NFE2L2: variants seen among roughly 807,000 people sequenced by gnomAD.
NFE2L2 encodes the protein nuclear factor erythroid 2-related factor 2.
Under a neutral mutation model 49.6 loss-of-function variants are expected in NFE2L2, and 20 were observed. That is an observed-to-expected ratio of 0.40 (90% CI 0.28 to 0.59). NFE2L2 has a LOEUF of 0.59. Ranked by LOEUF, NFE2L2 falls within the 20% of genes least tolerant of loss-of-function variation. The probability of loss-of-function intolerance (pLI) is 0.40; values close to 1 mark genes in which losing one functional copy is unlikely to be tolerated. For missense variants in NFE2L2, 578 were observed against 714.2 expected (o/e 0.81, Z 2.17); for synonymous variants, 244 against 256.5 (o/e 0.95, Z 0.47).
At chr2:177,238,285 C>T (rs1689823716) in intron 1 of NFE2L2, among the ~76,000 whole-genome samples, 1 of 152,210 alleles carries the variant, frequency 6.6e-6, no homozygotes, top group Admixed American at 6.5e-5. Context: ...ATCTTCTGCT[C>T]ATAAATCTGA....
Position 177,234,183 on chromosome 2 carries a change from T to G in NFE2L2, c.134A>C (p.Glu45Ala). 1.2e-6 allele frequency: 2 copies of G among 1,614,198 alleles called. No homozygotes were observed. Among genetic ancestry groups the G allele is most frequent in the Non-Finnish European group, 1.7e-6 (2 of 1,180,042 alleles). The change falls in exon 2 of 5, where the codon GAG becomes GCG. Residue 45 changes from glutamate (E) to alanine (A), a missense_variant. By Grantham distance (107) the Glu-to-Ala change is moderately radical. Around this residue, in one of 3 missense-constraint regions of NFE2L2, gnomAD observed 93 missense variants for 153.9 expected, o/e 0.60. Transcript: ENST00000397062. ...EVFDFSQRRK[E>A]YELEKQKKLE... is the part of the protein sequence containing the mutation. ...TTTTTTCTGTTTTTCCAGCTCATACTCTTTCCGTCGCTGACTGAAGTCAAA... is the reference window on the plus strand; with the variant it reads ...TTTTTTCTGTTTTTCCAGCTCATACGCTTTCCGTCGCTGACTGAAGTCAAA...
At chr2:177,259,384 T>G (rs947241697) in intron 1 of NFE2L2, among the ~76,000 whole-genome samples, 1 of 151,998 alleles carries the variant, frequency 6.6e-6, no homozygotes, top group Non-Finnish European at 1.5e-5. Context: ...TTGGACCAAA[T>G]AAACTTACAT....
At position 177,230,887 on chromosome 2, in the gene NFE2L2, A is replaced by G. The variant is rs753313785; in HGVS notation, c.1716T>C (p.Asp572=). The change falls in exon 5 of 5, where the codon GAT becomes GAC. Residue 572 remains aspartate, a synonymous_variant. Coordinates refer to ENST00000397062, the MANE Select transcript of NFE2L2 (RefSeq NM_006164.5). ...LEVFSMLRDE[D]GKPYSPSEYS... ...ATTCACTAGGAGAATAAGGTTTTCC[A>G]TCTTCATCACGTAGCATGCTGAAAA... The G allele has an allele frequency of 1.4e-5, 22 of 1,613,900 alleles. No homozygotes were observed. Among genetic ancestry groups the G allele is most frequent in the South Asian group, 2.2e-5 (2 of 91,010 alleles).
At chr2:177,243,238 T>G (rs1157372499) in intron 1 of NFE2L2, among the ~76,000 whole-genome samples, 26 of 152,138 alleles carry the variant, frequency 1.7e-4, no homozygotes, top group Admixed American at 1.6e-3. Context: ...CTAACCTACT[T>G]TACCAAACCT....
chr2:177,239,933 A>G (rs1026275757), intron 1 of NFE2L2, among the ~76,000 whole-genome samples: 3 of 137,288 alleles, frequency 2.2e-5, no homozygotes, highest in African/African-American at 8.4e-5. Context: ...TGTATGAAAC[A>G]TTCAAAGCTT....
Position 177,264,665 on chromosome 2 carries a change from C to CGGT in NFE2L2, c.-90_-89insACC, listed in dbSNP as rs1289786049. The stretch of plus-strand genomic sequence containing the variant: ...GGCGCGGACAGGGCGGCTCTGGTGG[C>CGGT]GGCGGCGGCGGCGGTGGCGGCTGCG... On this transcript the variant is annotated 5_prime_UTR_variant, in exon 1 of 5. Coordinates refer to ENST00000397062, the MANE Select transcript of NFE2L2 (RefSeq NM_006164.5). 6 of 506,776 alleles carry CGGT rather than the reference C, an allele frequency of 1.2e-5. No individual in the cohort carries two copies. Among genetic ancestry groups the CGGT allele is most frequent in the Non-Finnish European group, 1.5e-5 (6 of 407,822 alleles). 31.4% of individuals were successfully genotyped at this position (506,776 alleles called of 1,614,324 possible). A position where few individuals can be genotyped will look rare whatever the true frequency, so the allele number is the denominator to read the frequency against.
chr2:177,248,182 C>T (rs1486639965), intron 1 of NFE2L2, among the ~76,000 whole-genome samples: 2 of 152,206 alleles, frequency 1.3e-5, no homozygotes, highest in Non-Finnish European at 2.9e-5. Flanking sequence ...TCTGACCTAA[C>T]TGAGCAGAAT....
At chr2:177,246,843 C>T (rs928494097) in intron 1 of NFE2L2, among the ~76,000 whole-genome samples, 6 of 150,482 alleles carry the variant, frequency 4.0e-5, no homozygotes, top group Non-Finnish European at 8.9e-5. Context: ...AGCAATCCTC[C>T]GGCTTCAGCC....
chr2:177,239,014 G>C (rs1689856365), intron 1 of NFE2L2, among the ~76,000 whole-genome samples: 1 of 152,084 alleles, frequency 6.6e-6, no homozygotes, highest in Non-Finnish European at 1.5e-5. Flanking sequence ...ACATTCAATT[G>C]CCACTCAATT....
At chr2:177,252,739 G>C (rs1467184627) in intron 1 of NFE2L2, among the ~76,000 whole-genome samples, 4 of 152,186 alleles carry the variant, frequency 2.6e-5, no homozygotes, top group Non-Finnish European at 4.4e-5. Flanking sequence ...GCTCTAAAAA[G>C]TTATTTTTAC....
intron 1 of NFE2L2, chr2:177,263,384 C>CTGT (rs1690810382): frequency 1.0e-6 from 1 of 985,356 alleles, no homozygotes; most frequent in African/African-American, 1.7e-5. Flanking sequence ...AAATTCTAAT[C>CTGT]TACACTCGCA....
chr2:177,259,301 C>CA (rs200672646), intron 1 of NFE2L2, among the ~76,000 whole-genome samples: 37 of 146,968 alleles, frequency 2.5e-4, no homozygotes, highest in South Asian at 6.5e-4. Context: ...GACTCTGTCT[C>CA]AAAAAAAAAA....
intron 2 of NFE2L2, 57 bp from the exon 3 acceptor site, chr2:177,233,396 A>G: frequency 8.0e-7 from 1 of 1,248,392 alleles, no homozygotes; most frequent in Non-Finnish European, 1.1e-6. Context: ...TCCATTGCCA[A>G]GCTAAATATT....
intron 1 of NFE2L2, among the ~76,000 whole-genome samples, chr2:177,236,015 T>C (rs921458985): frequency 5.9e-5 from 9 of 152,198 alleles, no homozygotes; most frequent in African/African-American, 2.2e-4. Context: ...GGGGAAATAA[T>C]TAATTTGAGA....
rs1056388265 is a variant in NFE2L2 at position 177,264,454 on chromosome 2, C to A, written c.45+78G>T. On this transcript the variant is annotated intron_variant, in intron 1 of 4. Transcript: ENST00000397062. ...CGTGGGGGAAGCCGGTTGCGGCTGT[C>A]CCTCCCGGGCCGCGGTTCCCTAGCT... is the stretch of plus-strand genomic sequence containing the variant. 5 of 1,436,496 alleles carry A rather than the reference C, an allele frequency of 3.5e-6. No individual in the cohort carries two copies. In the East Asian group the frequency reaches 1.1e-4, roughly 32 times the overall value. The allele number at this position is 1,436,496 out of a possible 1,614,324, so 89.0% of individuals were successfully genotyped here.
chr2:177,232,103 G>A (rs1258419540), intron 4 of NFE2L2, 95 bp from the exon 5 acceptor site: 2 of 1,183,202 alleles, frequency 1.7e-6, no homozygotes, highest in African/African-American at 3.1e-5. Context: ...ATTATCTTCA[G>A]GCTTATCTCT....
At chr2:177,251,568 C>G (rs527432600) in intron 1 of NFE2L2, among the ~76,000 whole-genome samples, 1 of 152,306 alleles carries the variant, frequency 6.6e-6, no homozygotes, top group East Asian at 1.9e-4. Flanking sequence ...GGGCACACAC[C>G]AGGCCTGCTA....
At chr2:177,248,398 C>G (rs1690209862) in intron 1 of NFE2L2, among the ~76,000 whole-genome samples, 1 of 152,138 alleles carries the variant, frequency 6.6e-6, no homozygotes, top group Admixed American at 6.5e-5. Context: ...TGCCCAATGT[C>G]TGACCTGTAC....
chr2:177,243,521 G>A (rs1690010993), intron 1 of NFE2L2, among the ~76,000 whole-genome samples: 2 of 152,146 alleles, frequency 1.3e-5, no homozygotes, highest in South Asian at 4.1e-4. Flanking sequence ...GTCCTTTTCA[G>A]ATTTTTTTTT....
Sources: gnomAD v4.1 joint callset for allele counts (sites outside exome capture counted in the v4.1 genomes callset) on GRCh38, gnomAD v4.1.1 for gene constraint, gnomAD v4.1.1 regional missense constraint, MANE v1.5 for transcripts, NCBI Gene and HGNC (gene_info 2026-07-23, HGNC 2026-07-21) for gene names.